Variants in ALDH3B1 observed in about 807,000 individuals in gnomAD.
ALDH3B1 encodes aldehyde dehydrogenase family 3 member B1.
ALDH3B1 carries 37 observed loss-of-function variants against 46.2 expected under a neutral mutation model. The observed-to-expected ratio is 0.80, with a 90% CI of 0.62 to 1.05. The LOEUF (loss-of-function observed/expected upper bound fraction) is 1.05, where lower values mean the gene tolerates loss of function less well. ALDH3B1 is among the 50% of genes least tolerant of loss of function. ALDH3B1 has a pLI of 0.00. For missense variants in ALDH3B1, 603 were observed against 665.5 expected, an observed-to-expected ratio of 0.91 and a Z score of 1.03; for synonymous variants, 283 against 281.0, an observed-to-expected ratio of 1.01 and a Z score of -0.07.
At position 68,027,897 on chromosome 11, in the gene ALDH3B1, G is replaced by C; in HGVS notation, c.1365G>C (p.Leu455=). 1.2e-5 allele frequency: 18 copies of C among 1,561,310 alleles called. No individual in the cohort carries two copies. The highest frequency in any genetic ancestry group is 1.6e-5 in the Non-Finnish European group (18 of 1,156,578). ...PQSPRRLRML[L]VAMEAQGCSC... ...CGCCGCGCCGCCTGAGGATGCTGCT[G>C]GTGGCCATGGAGGCCCAAGGCTGCA... The change falls in exon 10 of 10, where the codon CTG becomes CTC. Residue 455 remains leucine, a synonymous_variant. Coordinates refer to ENST00000342456, the MANE Select transcript of ALDH3B1 (RefSeq NM_000694.4).
rs1393412948 is a variant in ALDH3B1, at chr11:68,027,859, T to TA, written c.1328dup (p.Tyr443Ter). 2 of 1,550,644 alleles carry TA rather than the reference T, an allele frequency of 1.3e-6. No homozygotes were observed. Among genetic ancestry groups the TA allele is most frequent in the Non-Finnish European group, 1.7e-6 (2 of 1,149,280 alleles). ...GATGGAGAAGCTCAACGCCCTCCGC[T>TA]ACCCGCCGCAATCGCCGCGCCGCCT... ...PGMEKLNALRYPPQSPRRLRM... is the reference protein window; with the variant it reads ...PGMEKLNALR Residue 443 changes from tyrosine (Y) to a stop codon, truncating the protein, a stop_gained and frameshift_variant, in exon 10 of 10, where the codon TAC (tyrosine) becomes TAAC (stop). Transcript: ENST00000342456. LOFTEE classifies it high-confidence loss of function.
intron 8 of ALDH3B1, chr11:68,024,301 G>C (rs913602354): frequency 1.4e-4 from 22 of 152,366 alleles, no homozygotes; most frequent in African/African-American, 4.8e-4. Flanking sequence ...TCACTACCGG[G>C]TCAGGACGGT....
chr11:68,015,729 G>A (rs1405068380), intron 2 of ALDH3B1: 9 of 635,026 alleles, frequency 1.4e-5, no homozygotes, highest in South Asian at 7.8e-5. Flanking sequence ...CCATGCCTAC[G>A]AAGATGACCT....
At chr11:68,025,236 C>G (rs753073262) in intron 8 of ALDH3B1, 8 of 152,366 alleles carry the variant, frequency 5.3e-5, no homozygotes, top group African/African-American at 1.9e-4. Flanking sequence ...TCTGCTGCCA[C>G]TGCCATTGTG....
At position 68,022,680 on chromosome 11, in the gene ALDH3B1, G is replaced by C; in HGVS notation, c.1035G>C (p.Val345=). ...GGCCCATCCTGCCCATCGTGAACGT[G>C]CAGAGCTTGGACGAGGCCATCGAGT... is the stretch of plus-strand genomic sequence containing the variant. ...IFGPILPIVN[V]QSLDEAIEFI... The change falls in exon 8 of 10, where the codon GTG becomes GTC. Residue 345 remains valine, a synonymous_variant. Transcript: ENST00000342456. The C allele has an allele frequency of 6.2e-7, 1 of 1,614,176 alleles. No homozygotes were observed. The highest frequency in any genetic ancestry group is 1.3e-5 in the African/African-American group (1 of 75,050).
chr11:68,015,371 T>C lies in ALDH3B1; in HGVS notation c.74T>C (p.Phe25Ser). ...FHAGRTRPAE[F>S]RAAQLQGLGR... is the part of the protein sequence containing the mutation. ...GCGGGGCGCACGCGGCCAGCTGAGT[T>C]CCGGGCTGCGCAGCTCCAAGGCCTG... is the stretch of plus-strand genomic sequence containing the variant. Residue 25 changes from phenylalanine to serine, a missense_variant, in exon 2 of 10, where the codon TTC becomes TCC. Phe to Ser is a radical substitution (Grantham distance 155). Transcript: ENST00000342456. The C allele has an allele frequency of 6.4e-7, 1 of 1,550,448 alleles. No individual in the cohort carries two copies. Among genetic ancestry groups the C allele is most frequent in the Non-Finnish European group, 8.7e-7 (1 of 1,146,710 alleles).
intron 1 of ALDH3B1, among the ~76,000 whole-genome samples, chr11:68,014,175 G>A (rs1159827453): frequency 1.3e-5 from 2 of 152,240 alleles, no homozygotes; most frequent in East Asian, 1.9e-4. Flanking sequence ...TAGGCACAGA[G>A]GGGCCTGCCT....
chr11:68,021,944 C>A (rs1857511667), intron 7 of ALDH3B1, 73 bp downstream of exon 7: 1 of 1,522,412 alleles, frequency 6.6e-7, no homozygotes, highest in African/African-American at 1.4e-5. Flanking sequence ...AAGGCTGGGC[C>A]ACAACTCTGG....
At chr11:68,015,542 C>T in intron 2 of ALDH3B1, 83 bp downstream of exon 2, 1 of 1,527,728 alleles carries the variant, frequency 6.5e-7, no homozygotes, top group Non-Finnish European at 8.9e-7. Context: ...GATGAAGACA[C>T]CTGCGCCCTC....
intron 9 of ALDH3B1, among the ~76,000 whole-genome samples, chr11:68,026,330 C>A (rs1267258761): frequency 1.3e-5 from 2 of 152,238 alleles, no homozygotes; most frequent in East Asian, 1.9e-4. Flanking sequence ...TGTGGTGGAA[C>A]CTTCTAGACC....
intron 9 of ALDH3B1, 130 bp from the exon 10 acceptor site, chr11:68,027,619 C>T: frequency 1.0e-6 from 1 of 1,000,218 alleles, no homozygotes; most frequent in Non-Finnish European, 1.5e-6. Flanking sequence ...CACACAGTGC[C>T]TCATGATCAG....
chr11:68,019,346 C>A, intron 5 of ALDH3B1, 91 bp downstream of exon 5: 2 of 1,103,776 alleles, frequency 1.8e-6, no homozygotes, highest in East Asian at 2.6e-5. Context: ...CAGTCAGACC[C>A]GAGTCCCCAC....
chr11:68,015,768 A>G (rs1857338791), intron 2 of ALDH3B1: 2 of 502,346 alleles, frequency 4.0e-6, no homozygotes, highest in Non-Finnish European at 7.6e-6. Context: ...ACAGCAAATA[A>G]ATAATTGCAC....
At chr11:68,027,663 G>C in intron 9 of ALDH3B1, 86 bp from the exon 10 acceptor site, 4 of 1,357,128 alleles carry the variant, frequency 2.9e-6, no homozygotes, top group Middle Eastern at 2.0e-4. Flanking sequence ...GAGGCTCAGA[G>C]GGGAGAAGTA....
At chr11:68,026,587 C>T (rs1034988719) in intron 9 of ALDH3B1, among the ~76,000 whole-genome samples, 3 of 152,140 alleles carry the variant, frequency 2.0e-5, no homozygotes, top group Non-Finnish European at 2.9e-5. Flanking sequence ...CTCCACCCCC[C>T]AGAGCAGCCC....
chr11:68,011,041 T>G (rs567991413), intron 1 of ALDH3B1, among the ~76,000 whole-genome samples: 3 of 152,306 alleles, frequency 2.0e-5, no homozygotes, highest in Non-Finnish European at 4.4e-5. Context: ...CGCTGGTCCC[T>G]GGCTCCCCAA....
intron 1 of ALDH3B1, among the ~76,000 whole-genome samples, chr11:68,013,893 G>C (rs1857284539): frequency 6.6e-6 from 1 of 152,250 alleles, no homozygotes; most frequent in African/African-American, 2.4e-5. Context: ...CAGGAAGATG[G>C]TGGGTTCAGC....
intron 2 of ALDH3B1, 85 bp downstream of exon 2, chr11:68,015,544 T>A: frequency 6.5e-7 from 1 of 1,527,388 alleles, no homozygotes; most frequent in Non-Finnish European, 8.9e-7. Flanking sequence ...TGAAGACACC[T>A]GCGCCCTCCA....
chr11:68,018,525 A>T lies in ALDH3B1; in HGVS notation c.163-2A>T, dbSNP rs1018211826. 2 of 1,559,282 alleles carry T rather than the reference A, an allele frequency of 1.3e-6. No individual in the cohort carries two copies. Among genetic ancestry groups the T allele is most frequent in the Non-Finnish European group, 1.7e-6 (2 of 1,149,810 alleles). On this transcript the variant is annotated splice_acceptor_variant, in intron 2 of 9. Coordinates refer to ENST00000342456, the MANE Select transcript of ALDH3B1 (RefSeq NM_000694.4). LOFTEE classifies it high-confidence loss of function. ...CACCCTGACCCCACCCACTTCCTGC[A>T]GTCAGCCTTCGAGTCGGAGGTGTCT...
Sources: gnomAD v4.1 joint callset for allele counts (sites outside exome capture counted in the v4.1 genomes callset) on GRCh38, gnomAD v4.1.1 for gene constraint, MANE v1.5 for transcripts, NCBI Gene and HGNC (gene_info 2026-07-23, HGNC 2026-07-21) for gene names.